Variants in CSMD1 observed in about 807,000 individuals in gnomAD.
The protein encoded by CSMD1 is CUB and sushi domain-containing protein 1.
In CSMD1, 213 loss-of-function variants were observed where a neutral mutation model predicts 417.5. The ratio of observed to expected loss-of-function variants is 0.51; its 90% CI spans 0.46 to 0.57. The LOEUF (loss-of-function observed/expected upper bound fraction) is 0.57. Ranked by LOEUF, CSMD1 falls within the 20% of genes least tolerant of loss-of-function variation. The pLI is 0.00. For missense variants in CSMD1, 6,923 were observed against 4,529.7 expected, an observed-to-expected ratio of 1.53 and a Z score of -15.17; for synonymous variants, 2,862 against 1,736.8, an observed-to-expected ratio of 1.65 and a Z score of -16.11.
chr8:3,520,376 A>G (rs1387454998), intron 10 of CSMD1, among the ~76,000 whole-genome samples: 1 of 152,222 alleles, frequency 6.6e-6, no homozygotes, highest in Admixed American at 6.5e-5. Flanking sequence ...ATCCTCAAAA[A>G]TAAACACTTC....
At chr8:3,897,213 A>G (rs554787832) in intron 5 of CSMD1, among the ~76,000 whole-genome samples, 2 of 152,298 alleles carry the variant, frequency 1.3e-5, no homozygotes, top group African/African-American at 4.8e-5. Flanking sequence ...ATCAAAACAA[A>G]GGAGTGAGAT....
intron 10 of CSMD1, among the ~76,000 whole-genome samples, chr8:3,543,463 T>C (rs956225993): frequency 1.3e-5 from 2 of 152,066 alleles, no homozygotes; most frequent in Non-Finnish European, 2.9e-5. Flanking sequence ...TTTGCAATAA[T>C]CTAGGCAAGC....
intron 4 of CSMD1, among the ~76,000 whole-genome samples, chr8:4,023,547 G>C: frequency 6.6e-6 from 1 of 151,060 alleles, no homozygotes. Context: ...CAATATTCAC[G>C]CACTTACCAA....
At chr8:3,061,922 G>A (rs1231257821) in intron 49 of CSMD1, among the ~76,000 whole-genome samples, 1 of 152,100 alleles carries the variant, frequency 6.6e-6, no homozygotes, top group African/African-American at 2.4e-5. Context: ...ACGGCTCTGT[G>A]AGGGGTCAGA....
At chr8:3,574,486 A>G (rs1339459385) in intron 10 of CSMD1, among the ~76,000 whole-genome samples, 2 of 152,102 alleles carry the variant, frequency 1.3e-5, no homozygotes, top group East Asian at 1.9e-4. Context: ...ACCTCAAGTG[A>G]TCCACCCACT....
intron 2 of CSMD1, among the ~76,000 whole-genome samples, chr8:4,525,719 G>A (rs1000050474): frequency 1.3e-5 from 2 of 152,124 alleles, no homozygotes; most frequent in Admixed American, 6.5e-5. Flanking sequence ...GGGATGGTCA[G>A]GTGTCACCTC....
intron 3 of CSMD1, among the ~76,000 whole-genome samples, chr8:4,414,564 C>T (rs114170463): frequency 1.1e-3 from 161 of 152,214 alleles, no homozygotes; most frequent in African/African-American, 3.6e-3. Flanking sequence ...TACTATAGAT[C>T]ATATAATCTC....
chr8:4,003,690 T>C (rs527487941), intron 4 of CSMD1, among the ~76,000 whole-genome samples: 168 of 152,246 alleles, frequency 1.1e-3, no homozygotes, highest in African/African-American at 3.9e-3. Flanking sequence ...GTTCCTAATA[T>C]CAACATGCAT....
intron 3 of CSMD1, among the ~76,000 whole-genome samples, chr8:4,103,088 G>C (rs979337849): frequency 2.0e-5 from 3 of 152,106 alleles, no homozygotes; most frequent in Non-Finnish European, 2.9e-5. Context: ...TTGAGCTCCA[G>C]ACAGTTCTAT....
Position 3,052,577 on chromosome 8 carries a change from AC to A in CSMD1, c.7544del (p.Ser2515IlefsTer63). The part of the protein sequence containing the change: ...SFTGNEFTLD[S>X]KVVYECHEGF... ...CCTCATGACATTCATAGACCACTTT[AC>A]TGTCCAAAGTGAACTCGTTCCCGGT... On this transcript the variant is annotated frameshift_variant, in exon 50 of 70. Coordinates refer to ENST00000635120, the MANE Select transcript of CSMD1 (RefSeq NM_033225.6). LOFTEE classifies it high-confidence loss of function. 6.2e-7 allele frequency: 1 copy of A among 1,611,440 alleles called. No individual in the cohort carries two copies. The highest frequency in any genetic ancestry group is 8.5e-7 in the Non-Finnish European group (1 of 1,178,780).
intron 7 of CSMD1, among the ~76,000 whole-genome samples, chr8:3,661,863 T>A (rs2624085): frequency 2.6e-5 from 4 of 152,070 alleles, no homozygotes; most frequent in African/African-American, 9.7e-5. Flanking sequence ...TAGATCGGTG[T>A]TGAAGGACGA....
chr8:4,521,463 T>C (rs1445786359), intron 2 of CSMD1, among the ~76,000 whole-genome samples: 1 of 152,224 alleles, frequency 6.6e-6, no homozygotes, highest in Non-Finnish European at 1.5e-5. Flanking sequence ...TATGTTGTTC[T>C]TGAAGAATAT....
chr8:3,921,996 C>T (rs1286875311), intron 5 of CSMD1, among the ~76,000 whole-genome samples: 1 of 152,058 alleles, frequency 6.6e-6, no homozygotes, highest in African/African-American at 2.4e-5. Context: ...AAGTTCCATA[C>T]TGTTAATATA....
intron 5 of CSMD1, among the ~76,000 whole-genome samples, chr8:3,990,389 G>A (rs946091306): frequency 1.3e-5 from 2 of 152,144 alleles, no homozygotes; most frequent in Non-Finnish European, 2.9e-5. Flanking sequence ...CCTAAGAATG[G>A]TAAGGATGGA....
intron 3 of CSMD1, among the ~76,000 whole-genome samples, chr8:4,391,565 C>A (rs1803852188): frequency 6.6e-6 from 1 of 152,008 alleles, no homozygotes; most frequent in Non-Finnish European, 1.5e-5. Flanking sequence ...AAGACTTGGC[C>A]AGTGACTTTC....
intron 41 of CSMD1, among the ~76,000 whole-genome samples, chr8:3,121,418 C>A (rs1817197844): frequency 6.6e-6 from 1 of 152,162 alleles, no homozygotes; most frequent in African/African-American, 2.4e-5. Context: ...GCAAAAGCAT[C>A]TTGAGATAAT....
chr8:3,796,406 G>C (rs1317168212), intron 5 of CSMD1, among the ~76,000 whole-genome samples: 2 of 71,318 alleles, frequency 2.8e-5, no homozygotes, highest in African/African-American at 9.4e-5. Context: ...TATAGATATA[G>C]ATATATATCT....
chr8:3,707,600 T>C (rs1246016076), intron 7 of CSMD1, among the ~76,000 whole-genome samples: 1 of 152,194 alleles, frequency 6.6e-6, no homozygotes, highest in Non-Finnish European at 1.5e-5. Context: ...TCAGTGAAGC[T>C]GGTACCCAGT....
chr8:4,173,319 T>C (rs892922850), intron 3 of CSMD1, among the ~76,000 whole-genome samples: 2 of 152,206 alleles, frequency 1.3e-5, no homozygotes, highest in African/African-American at 4.8e-5. Context: ...AAATTTGTGC[T>C]GTATATGGCA....
Sources: allele counts gnomAD v4.1 joint callset (sites outside exome capture counted in the v4.1 genomes callset), GRCh38; gene constraint gnomAD v4.1.1; transcripts MANE v1.5; gene names NCBI Gene and HGNC (gene_info 2026-07-23, HGNC 2026-07-21).